The following MCTS1 variants were observed in gnomAD, a reference collection of about 807,000 sequenced individuals.
MCTS1 encodes MCTS1 re-initiation and release factor.
For missense variants in MCTS1, 55 were observed against 128.6 expected (o/e 0.43, Z 2.77); for synonymous variants, 26 against 40.8 (o/e 0.64, Z 1.38).
chrX:120,608,176 G>T, intron 3 of MCTS1, 49 bp from the exon 4 acceptor site: 1 of 998,332 alleles, frequency 1.0e-6, no homozygotes, highest in Non-Finnish European at 1.3e-6. Context: ...GCCTTTTTCT[G>T]TTGAGTCATT....
intron 4 of MCTS1, chrX:120,608,602 C>T (rs1386308254): frequency 4.3e-6 from 1 of 232,461 alleles, no homozygotes; most frequent in Non-Finnish European, 7.7e-6. Context: ...AGAGTCTCAG[C>T]TGCATTTCAG....
At chrX:120,611,749 A>C (rs1926692269) in intron 5 of MCTS1, among the ~76,000 whole-genome samples, 1 of 112,376 alleles carries the variant, frequency 8.9e-6, no homozygotes, top group Admixed American at 9.4e-5. Context: ...ACAGTGATAT[A>C]TCTCACCACC....
rs1926914567 is a variant in MCTS1 at position 120,618,305 on chromosome X, C to T, written c.*6041C>T. Among the ~76,000 whole-genome samples the T allele has an allele frequency of 8.9e-6, 1 of 112,202 alleles. No homozygotes were observed. Among genetic ancestry groups the T allele is most frequent in the Non-Finnish European group, 1.9e-5 (1 of 53,313 alleles). On this transcript the variant is annotated 3_prime_UTR_variant, in exon 6 of 6. Coordinates refer to ENST00000371317, the MANE Select transcript of MCTS1 (RefSeq NM_014060.3). ...CATGATGTGAAAGATTTTGTATGCA[C>T]GTCTTAGTCTGGATACTGTTTTCAT...
intron 1 of MCTS1, 100 bp from the exon 2 acceptor site, chrX:120,605,307 C>A: frequency 1.4e-6 from 1 of 726,382 alleles, no homozygotes; most frequent in Non-Finnish European, 2.0e-6. Flanking sequence ...TATCTAAATA[C>A]TTGGTTGGGA....
chrX:120,608,350 A>T lies in MCTS1; in HGVS notation c.388A>T (p.Thr130Ser). The change falls in exon 4 of 6, where the codon ACC (threonine) becomes TCC (serine). Residue 130 changes from threonine to serine, a missense_variant. Coordinates refer to ENST00000371317, the MANE Select transcript of MCTS1 (RefSeq NM_014060.3). ...GAKLYPAAVDTIVAIMAEGKQ... is the reference protein window; with the variant it reads ...GAKLYPAAVDSIVAIMAEGKQ... ...TAAGCTTTACCCTGCTGCAGTAGAT[A>T]CCATTGTTGTATCCTTCCCAGGCTA... is the stretch of plus-strand genomic sequence containing the variant. 2.5e-6 allele frequency: 3 copies of T among 1,187,906 alleles called. No homozygotes were observed.
chrX:120,612,570 C>A lies in MCTS1; in HGVS notation c.*306C>A. 1 of 188,702 alleles carries A rather than the reference C, an allele frequency of 5.3e-6. No individual in the cohort carries two copies. The highest frequency in any genetic ancestry group is 9.6e-6 in the Non-Finnish European group (1 of 104,151). 15.6% of individuals were successfully genotyped at this position (188,702 alleles called of 1,213,427 possible). Reference sequence around the variant, plus strand: ...CAATGGATTGCCATTTTATGGTAGACCTCTAGAGAAACTGTCTAGTTAAAT... The same window carrying A: ...CAATGGATTGCCATTTTATGGTAGAACTCTAGAGAAACTGTCTAGTTAAAT... On this transcript the variant is annotated 3_prime_UTR_variant, in exon 6 of 6. Transcript: ENST00000371317.
At position 120,613,303 on chromosome X, in the gene MCTS1, G is replaced by GATAA; in HGVS notation, c.*1041_*1042insAAAT. ...AGTGATCAGCCTCCCAAAGTGCTGG[G>GATAA]ATTATAGGCATGAGTCACCATGCCT... On this transcript the variant is annotated 3_prime_UTR_variant, in exon 6 of 6. Coordinates refer to ENST00000371317, the MANE Select transcript of MCTS1 (RefSeq NM_014060.3). Among the ~76,000 whole-genome samples, 1 of 111,442 alleles carries GATAA rather than the reference G, an allele frequency of 9.0e-6. No homozygotes were observed. Among genetic ancestry groups the GATAA allele is most frequent in the East Asian group, 2.8e-4 (1 of 3,573 alleles).
Position 120,610,903 on chromosome X carries a change from G to A in MCTS1, c.397-108G>A, listed in dbSNP as rs759664105. The A allele has an allele frequency of 7.9e-6, 6 of 763,314 alleles. No homozygotes were observed. In the African/African-American group the frequency reaches 8.2e-5, roughly 10 times the overall value. 62.9% of individuals were successfully genotyped at this position (763,314 alleles called of 1,213,427 possible). A position where few individuals can be genotyped will look rare whatever the true frequency, so the allele number is the denominator to read the frequency against. ...ATGGTCTAGGAGAAGACACAAGAGG[G>A]GTTCCAAGTGGCTTAACTAGTAACA... On this transcript the variant is annotated intron_variant, in intron 4 of 5. Coordinates refer to ENST00000371317, the MANE Select transcript of MCTS1 (RefSeq NM_014060.3).
At chrX:120,605,630 TA>T in intron 2 of MCTS1, 71 bp downstream of exon 2, 1 of 994,519 alleles carries the variant, frequency 1.0e-6, no homozygotes, top group Non-Finnish European at 1.4e-6. Context: ...GCACTCATAC[TA>T]AATGGAATTA....
rs1043006328 is a variant in MCTS1 at position 120,604,122 on chromosome X, G to C, written c.-115G>C. Reference sequence around the variant, plus strand: ...TCTCGTTTTCCGGATAACGACTACAGCTCCGACTGTCAGTGCCGGCCTTCC... The same window carrying C: ...TCTCGTTTTCCGGATAACGACTACACCTCCGACTGTCAGTGCCGGCCTTCC... On this transcript the variant is annotated 5_prime_UTR_variant, in exon 1 of 6. Coordinates refer to ENST00000371317, the MANE Select transcript of MCTS1 (RefSeq NM_014060.3). 6 of 943,397 alleles carry C rather than the reference G, an allele frequency of 6.4e-6. No individual in the cohort carries two copies. Among genetic ancestry groups the C allele is most frequent in the Non-Finnish European group, 9.0e-6 (6 of 669,991 alleles). The allele number at this position is 943,397 out of a possible 1,213,427, so 77.7% of individuals were successfully genotyped here.
In MCTS1 at chrX:120,616,218, ATTCTAAT is replaced by A. The variant is rs202231708; in HGVS notation, c.*3961_*3967del. Among the ~76,000 whole-genome samples the A allele has an allele frequency of 8.9e-6, 1 of 111,947 alleles. No homozygotes were observed. The highest frequency in any genetic ancestry group is 9.5e-5 in the Admixed American group (1 of 10,547). ...AAGGCTCTTCAAGAAACTCAAAATG[ATTCTAAT>A]TTCTAAGTAGTATGCATTAAAACTG... is the stretch of plus-strand genomic sequence containing the variant. On this transcript the variant is annotated 3_prime_UTR_variant, in exon 6 of 6. Transcript: ENST00000371317.
In MCTS1 at chrX:120,616,044, G is replaced by T. The variant is rs1157595244; in HGVS notation, c.*3780G>T. Among the ~76,000 whole-genome samples, 1 of 112,547 alleles carries T rather than the reference G, an allele frequency of 8.9e-6. No individual in the cohort carries two copies. The highest frequency in any genetic ancestry group is 1.9e-5 in the Non-Finnish European group (1 of 53,330). On this transcript the variant is annotated 3_prime_UTR_variant, in exon 6 of 6. Transcript: ENST00000371317. ...ATAAGAATTACAATTCACTAAATTC[G>T]TGGAGGTGTTTCATTATAATAAATA...
rs976614671 is a variant in MCTS1, at chrX:120,619,964, C to A, written c.*7700C>A. Among the ~76,000 whole-genome samples the A allele has an allele frequency of 9.0e-6, 1 of 111,522 alleles. No individual in the cohort carries two copies. Among genetic ancestry groups the A allele is most frequent in the Admixed American group, 9.6e-5 (1 of 10,437 alleles). ...ATGAGGGAGGGTTAGTTAAGTGGGG[C>A]AATGAGAATGTAGAGTGTAATGTGC... On this transcript the variant is annotated 3_prime_UTR_variant, in exon 6 of 6. Coordinates refer to ENST00000371317, the MANE Select transcript of MCTS1 (RefSeq NM_014060.3).
In MCTS1 at chrX:120,613,123, G is replaced by A. The variant is rs1025862489; in HGVS notation, c.*859G>A. Among the ~76,000 whole-genome samples the A allele has an allele frequency of 9.1e-6, 1 of 109,618 alleles. No homozygotes were observed. Among genetic ancestry groups the A allele is most frequent in the Non-Finnish European group, 1.9e-5 (1 of 52,593 alleles). ...GTATTTTTGGTAGAGATGGGGTTTC[G>A]CTATGTTGGCCAGACTGGTCTTGAA... On this transcript the variant is annotated 3_prime_UTR_variant, in exon 6 of 6. Coordinates refer to ENST00000371317, the MANE Select transcript of MCTS1 (RefSeq NM_014060.3).
chrX:120,610,177 CT>C (rs1393907067), intron 4 of MCTS1, among the ~76,000 whole-genome samples: 1 of 110,725 alleles, frequency 9.0e-6, no homozygotes, highest in Non-Finnish European at 1.9e-5. Context: ...CAAAAATTAG[CT>C]GGGTGGGGTG....
chrX:120,605,743 A>G (rs1926515926), intron 2 of MCTS1, among the ~76,000 whole-genome samples, 184 bp downstream of exon 2: 2 of 112,568 alleles, frequency 1.8e-5, no homozygotes, highest in African/African-American at 6.4e-5. Context: ...CCCTGAAAAA[A>G]TGTGGCTTTG....
intron 1 of MCTS1, 70 bp downstream of exon 1, chrX:120,604,317 G>T (rs1926471665): frequency 1.7e-6 from 2 of 1,164,380 alleles, no homozygotes; most frequent in Admixed American, 4.5e-5. Context: ...AAGAGGGCGA[G>T]AGCTAAGATC....
In MCTS1 at chrX:120,617,739, G is replaced by A. The variant is rs774256984; in HGVS notation, c.*5475G>A. On this transcript the variant is annotated 3_prime_UTR_variant, in exon 6 of 6. Coordinates refer to ENST00000371317, the MANE Select transcript of MCTS1 (RefSeq NM_014060.3). The stretch of plus-strand genomic sequence containing the variant: ...TTATAATTTTAATTTCTTATCACAA[G>A]ACTCGATTGTCAATAACTGTTAACG... Among the ~76,000 whole-genome samples, 138 of 111,668 alleles carry A rather than the reference G, an allele frequency of 1.2e-3. No individual in the cohort carries two copies. The Middle Eastern group carries it at 0.018, about 15-fold the overall frequency.
rs1295857299 is a variant in MCTS1, at chrX:120,614,579, A to G, written c.*2315A>G. Among the ~76,000 whole-genome samples, 1 of 112,052 alleles carries G rather than the reference A, an allele frequency of 8.9e-6. No individual in the cohort carries two copies. Among genetic ancestry groups the G allele is most frequent in the Non-Finnish European group, 1.9e-5 (1 of 53,211 alleles). On this transcript the variant is annotated 3_prime_UTR_variant, in exon 6 of 6. Transcript: ENST00000371317. ...GTATAAATAGTCTCATCAGGAACTC[A>G]TTTGTAAGTCATCTCCCAGGGGGGT...
Sources: gnomAD v4.1 joint callset for allele counts (sites outside exome capture counted in the v4.1 genomes callset) on GRCh38, gnomAD v4.1.1 for gene constraint, MANE v1.5 for transcripts, NCBI Gene and HGNC (gene_info 2026-07-23, HGNC 2026-07-21) for gene names.